The following SVIL variants were observed in gnomAD, a reference collection of about 807,000 sequenced individuals.
SVIL encodes archvillin.
SVIL carries 101 observed loss-of-function variants against 240.4 expected under a neutral mutation model. The observed-to-expected ratio is 0.42, with a 90% CI of 0.36 to 0.50. The LOEUF (loss-of-function observed/expected upper bound fraction) is 0.50, where lower values mean the gene tolerates loss of function less well. SVIL is among the 20% of genes least tolerant of loss of function. The pLI is 0.01. For synonymous variants in SVIL, 999 were observed against 1,100.0 expected (o/e 0.91, Z 1.82); for missense variants, 2,512 against 2,818.7 (o/e 0.89, Z 2.46).
chr10:29,617,535 C>T lies in SVIL; in HGVS notation c.-201+16885G>A, dbSNP rs948840751. On this transcript the variant is annotated intron_variant, in intron 1 of 37. Coordinates refer to ENST00000355867, the MANE Select transcript of SVIL (RefSeq NM_021738.3). ...GGCAGAGGTTGCGGTGAGCCGAGAT[C>T]GTGCCACTGCACTCCAGCCTGGGCG... Among the ~76,000 whole-genome samples the T allele has an allele frequency of 4.7e-5, 7 of 149,746 alleles. No individual in the cohort carries two copies. The South Asian group carries it at 6.3e-4, about 13-fold the overall frequency.
At chr10:29,675,637 C>A (rs1309335912) in intron 2 of SVIL, among the ~76,000 whole-genome samples, 1 of 152,154 alleles carries the variant, frequency 6.6e-6, no homozygotes, top group African/African-American at 2.4e-5. Flanking sequence ...GTCCATCAAA[C>A]CGTGTTACAT....
Position 29,613,189 on chromosome 10 carries a change from A to G in SVIL, c.-201+21231T>C, listed in dbSNP as rs539764433. Among the ~76,000 whole-genome samples, 19 of 151,466 alleles carry G rather than the reference A, an allele frequency of 1.3e-4. No individual in the cohort carries two copies. In the South Asian group the frequency reaches 2.3e-3, roughly 18 times the overall value. ...CTCCATCTCAAAAAAAAAAAAAAAA[A>G]AAGAAGAAGGAGGAGGGATGCGGGC... On this transcript the variant is annotated intron_variant, in intron 1 of 37. Coordinates refer to ENST00000355867, the MANE Select transcript of SVIL (RefSeq NM_021738.3).
intron 6 of SVIL, among the ~76,000 whole-genome samples, chr10:29,549,756 G>A (rs1953062874): frequency 6.9e-6 from 1 of 143,904 alleles, no homozygotes; most frequent in African/African-American, 2.6e-5. Context: ...ATCATTCTCA[G>A]TAAACTATCG....
At chr10:29,570,640 G>A (rs1402384314) in intron 1 of SVIL, among the ~76,000 whole-genome samples, 3 of 152,214 alleles carry the variant, frequency 2.0e-5, no homozygotes, top group African/African-American at 7.2e-5. Flanking sequence ...TATAGCATTT[G>A]ATTTAGAAAA....
chr10:29,627,436 G>A (rs1957918303), intron 1 of SVIL, among the ~76,000 whole-genome samples: 1 of 152,160 alleles, frequency 6.6e-6, no homozygotes, highest in Admixed American at 6.5e-5. Flanking sequence ...GAAAATCAAT[G>A]TTCCTCCTTC....
At chr10:29,601,475 T>C (rs535568015) in intron 1 of SVIL, among the ~76,000 whole-genome samples, 1 of 152,348 alleles carries the variant, frequency 6.6e-6, no homozygotes, top group African/African-American at 2.4e-5. Context: ...GCCACTTTTG[T>C]CCCCAGTTCT....
intron 1 of SVIL, among the ~76,000 whole-genome samples, chr10:29,733,176 A>G (rs1964715394): frequency 6.6e-6 from 1 of 152,222 alleles, no homozygotes; most frequent in African/African-American, 2.4e-5. Context: ...GGAGGAAGGG[A>G]AGGATTCTGT....
chr10:29,600,486 G>A (rs918386244), intron 1 of SVIL, among the ~76,000 whole-genome samples: 1 of 152,156 alleles, frequency 6.6e-6, no homozygotes, highest in Non-Finnish European at 1.5e-5. Flanking sequence ...TCAGCGTGCA[G>A]CCCAGGCCTG....
At position 29,499,101 on chromosome 10, in the gene SVIL, C is replaced by G. The variant is rs1173458053; in HGVS notation, c.3664+15G>C. ...ATTGTGCACACACCACACACATGGA[C>G]ACACACACACTGACCTTTCTTCACC... On this transcript the variant is annotated intron_variant, in intron 18 of 37. Transcript: ENST00000355867. The G allele has an allele frequency of 1.3e-6, 2 of 1,584,216 alleles. No individual in the cohort carries two copies. Among genetic ancestry groups the G allele is most frequent in the Non-Finnish European group, 1.7e-6 (2 of 1,175,252 alleles).
intron 1 of SVIL, among the ~76,000 whole-genome samples, chr10:29,614,963 C>G (rs1401926424): frequency 6.6e-6 from 1 of 152,148 alleles, no homozygotes; most frequent in Non-Finnish European, 1.5e-5. Flanking sequence ...CATAACAACT[C>G]TATGTGATAT....
Position 29,470,526 on chromosome 10 carries a change from G to T in SVIL, c.5636-43C>A, listed in dbSNP as rs371016901. ...GGCGCGGAGGAGTTAGCACGTGAGCGAGTGGCAGCAAACGCGGCCCTTCCT... is the reference window on the plus strand; with the variant it reads ...GGCGCGGAGGAGTTAGCACGTGAGCTAGTGGCAGCAAACGCGGCCCTTCCT... On this transcript the variant is annotated intron_variant, in intron 31 of 37. Coordinates refer to ENST00000355867, the MANE Select transcript of SVIL (RefSeq NM_021738.3). The T allele has an allele frequency of 1.9e-6, 3 of 1,608,782 alleles. No individual in the cohort carries two copies. In the East Asian group the frequency reaches 6.7e-5, roughly 36 times the overall value.
At chr10:29,606,991 G>A (rs933732946) in intron 1 of SVIL, among the ~76,000 whole-genome samples, 1 of 152,126 alleles carries the variant, frequency 6.6e-6, no homozygotes, top group Admixed American at 6.6e-5. Context: ...CTGACCTCAG[G>A]TGATCCATCC....
chr10:29,634,020 A>C (rs962543382), intron 1 of SVIL, among the ~76,000 whole-genome samples: 3 of 152,134 alleles, frequency 2.0e-5, no homozygotes, highest in African/African-American at 7.2e-5. Context: ...GTGAAATAAA[A>C]CTTGCCCTTC....
chr10:29,554,864 T>C lies in SVIL; in HGVS notation c.79A>G (p.Thr27Ala), dbSNP rs1953757555. 4 of 1,613,972 alleles carry C rather than the reference T, an allele frequency of 2.5e-6. No individual in the cohort carries two copies. The East Asian group carries it at 8.9e-5, about 36-fold the overall frequency. The stretch of plus-strand genomic sequence containing the variant: ...AGCAGGCGGTGAGTCACCAATCCTG[T>C]GCAGCTCTGCAAGAGGATGGGCTGA... ...DTQPILLQSC[T>A]GLVTHRLLEE... Residue 27 changes from threonine (T) to alanine (A), a missense_variant, in exon 5 of 38, where the codon ACA (threonine) becomes GCA (alanine). Thr to Ala is a moderately conservative substitution (Grantham distance 58). Coordinates refer to ENST00000355867, the MANE Select transcript of SVIL (RefSeq NM_021738.3).
chr10:29,626,054 G>A (rs1003275767), intron 1 of SVIL, among the ~76,000 whole-genome samples: 3 of 152,128 alleles, frequency 2.0e-5, no homozygotes, highest in African/African-American at 4.8e-5. Context: ...AGGAGAAATT[G>A]GAAAGACATT....
chr10:29,686,132 A>AG (rs1057364431), intron 2 of SVIL, among the ~76,000 whole-genome samples: 1 of 152,234 alleles, frequency 6.6e-6, no homozygotes, highest in African/African-American at 2.4e-5. Flanking sequence ...TGAAGTAGAG[A>AG]GAAAAAATAA....
At chr10:29,597,764 T>G (rs1004668373) in intron 1 of SVIL, among the ~76,000 whole-genome samples, 4 of 151,884 alleles carry the variant, frequency 2.6e-5, no homozygotes, top group Non-Finnish European at 5.9e-5. Context: ...TTCTGCTTGA[T>G]GCCCCTCAGT....
rs187929026 is a variant in SVIL, at chr10:29,604,012, C to T, written c.-201+30408G>A. On this transcript the variant is annotated intron_variant, in intron 1 of 37. Coordinates refer to ENST00000355867, the MANE Select transcript of SVIL (RefSeq NM_021738.3). ...AGAATATTTCACAGTGAAATATTTCCGCCCCCTTCCCCATTTCTGAGGTGC... is the reference window on the plus strand; with the variant it reads ...AGAATATTTCACAGTGAAATATTTCTGCCCCCTTCCCCATTTCTGAGGTGC... Among the ~76,000 whole-genome samples, 492 of 152,110 alleles carry T rather than the reference C, an allele frequency of 3.2e-3. 9 individuals carry two copies. In the South Asian group the frequency reaches 0.053, roughly 16 times the overall value.
chr10:29,682,904 G>A (rs774940436), intron 2 of SVIL, among the ~76,000 whole-genome samples: 2 of 152,174 alleles, frequency 1.3e-5, no homozygotes, highest in African/African-American at 4.8e-5. Context: ...CAGAGCAGGT[G>A]GGTCCAAAGA....
Sources: gnomAD v4.1 joint callset for allele counts (sites outside exome capture counted in the v4.1 genomes callset) on GRCh38, gnomAD v4.1.1 for gene constraint, MANE v1.5 for transcripts, NCBI Gene and HGNC (gene_info 2026-07-23, HGNC 2026-07-21) for gene names.